TXNRD3: variants seen among roughly 807,000 people sequenced by gnomAD.
The protein encoded by TXNRD3 is TXNRD3 neighbor gene protein.
In TXNRD3, 68 loss-of-function variants were observed where a neutral mutation model predicts 78.2. That is an observed-to-expected ratio of 0.87 (90% CI 0.72 to 1.06). The LOEUF is 1.06. Among genes scored for constraint, TXNRD3 ranks in the 50% least tolerant of loss-of-function variants. The pLI is 0.00. For synonymous variants in TXNRD3, 296 were observed against 300.1 expected, an observed-to-expected ratio of 0.99 and a Z score of 0.14; for missense variants, 751 against 809.5, an observed-to-expected ratio of 0.93 and a Z score of 0.88.
At chr3:126,609,568 G>A (rs147547092) in intron 14 of TXNRD3, among the ~76,000 whole-genome samples, 154 of 152,288 alleles carry the variant, frequency 1.0e-3, no homozygotes, top group Middle Eastern at 3.4e-3. Context: ...CCTAGAGCTG[G>A]AGTCAAGTAT....
intron 5 of TXNRD3, among the ~76,000 whole-genome samples, chr3:126,643,614 G>A (rs1933146714): frequency 6.6e-6 from 1 of 152,004 alleles, no homozygotes; most frequent in Non-Finnish European, 1.5e-5. Flanking sequence ...TGTGGTCATG[G>A]AATTTTTTTT....
chr3:126,637,932 C>CTT (rs71615916), intron 6 of TXNRD3, among the ~76,000 whole-genome samples: 814 of 60,280 alleles, frequency 0.014, 72 homozygotes, highest in African/African-American at 0.024. Flanking sequence ...ATTTCTCTCT[C>CTT]TTTTTTTTTT....
intron 10 of TXNRD3, among the ~76,000 whole-genome samples, chr3:126,628,318 CTG>C (rs537692420): frequency 9.9e-4 from 150 of 151,974 alleles, no homozygotes; most frequent in Non-Finnish European, 1.6e-3. Flanking sequence ...CTTGTCAGGA[CTG>C]TACTGGAGGT....
At position 126,609,012 on chromosome 3, in the gene TXNRD3, G is replaced by C. The variant is rs75151324; in HGVS notation, c.1729-379C>G. ...GCAGCAGGTTTTACTGGAAATAAGAGGTTGCTGGCCCAGGAAGCAAGATGC... is the reference window on the plus strand; with the variant it reads ...GCAGCAGGTTTTACTGGAAATAAGACGTTGCTGGCCCAGGAAGCAAGATGC... On this transcript the variant is annotated intron_variant, in intron 14 of 15. Coordinates refer to ENST00000524230, the MANE Select transcript of TXNRD3 (RefSeq NM_052883.3). 746 of 250,586 alleles carry C rather than the reference G, an allele frequency of 3.0e-3. 4 individuals carry two copies. Among genetic ancestry groups the C allele is most frequent in the African/African-American group, 0.015 (673 of 44,416 alleles). The allele number at this position is 250,586 out of a possible 1,614,324, so 15.5% of individuals were successfully genotyped here.
In TXNRD3 at chr3:126,655,018, G is replaced by A. The variant is rs958368041; in HGVS notation, c.-28C>T. On this transcript the variant is annotated 5_prime_UTR_variant, in exon 1 of 16. Coordinates refer to ENST00000524230, the MANE Select transcript of TXNRD3 (RefSeq NM_052883.3). Reference sequence around the variant, plus strand: ...TCTCGCTCTCGCTCCTGGCCCGGCCGGGCCTGCTCACAAACCGAAACGCAG... The same window carrying A: ...TCTCGCTCTCGCTCCTGGCCCGGCCAGGCCTGCTCACAAACCGAAACGCAG... The A allele has an allele frequency of 1.1e-5, 14 of 1,292,808 alleles. No homozygotes were observed. The highest frequency in any genetic ancestry group is 4.2e-5 in the Admixed American group (1 of 23,662). The allele number at this position is 1,292,808 out of a possible 1,614,324, so 80.1% of individuals were successfully genotyped here. A position where few individuals can be genotyped will look rare whatever the true frequency, so the allele number is the denominator to read the frequency against.
At chr3:126,643,740 T>A (rs990682761) in intron 5 of TXNRD3, among the ~76,000 whole-genome samples, 3 of 152,106 alleles carry the variant, frequency 2.0e-5, no homozygotes, top group Non-Finnish European at 4.4e-5. Flanking sequence ...AAAATTTTTT[T>A]ATTTTTTTGA....
In TXNRD3 at chr3:126,646,125, C is replaced by T. The variant is rs1416079042; in HGVS notation, c.400G>A (p.Asp134Asn). 3 of 1,524,210 alleles carry T rather than the reference C, an allele frequency of 2.0e-6. No individual in the cohort carries two copies. Among genetic ancestry groups the T allele is most frequent in the South Asian group, 2.5e-5 (2 of 80,978 alleles). 94.4% of individuals were successfully genotyped at this position (1,524,210 alleles called of 1,614,324 possible). Residue 134 changes from aspartate to asparagine, a missense_variant, in exon 3 of 16, where the codon GAC (aspartate) becomes AAC (asparagine). Coordinates refer to ENST00000524230, the MANE Select transcript of TXNRD3 (RefSeq NM_052883.3). ...AGTATTATTACCTGGAAAGTTTGGT[C>T]ACATCCACCTACATGCACTTTATTC... is the stretch of plus-strand genomic sequence containing the variant.
At chr3:126,618,168 T>C (rs1279275590) in intron 12 of TXNRD3, among the ~76,000 whole-genome samples, 1 of 152,146 alleles carries the variant, frequency 6.6e-6, no homozygotes, top group East Asian at 1.9e-4. Context: ...ACAGATGCAA[T>C]CCAATCTCTA....
At chr3:126,640,943 GATAACAAAATC>G (rs1343063973) in intron 6 of TXNRD3, among the ~76,000 whole-genome samples, 1 of 151,326 alleles carries the variant, frequency 6.6e-6, no homozygotes, top group Non-Finnish European at 1.5e-5. Context: ...TTCTATGCCT[GATAACAAAATC>G]ATCACAAAGA....
At chr3:126,627,040 A>C (rs992939471) in intron 10 of TXNRD3, among the ~76,000 whole-genome samples, 1 of 152,126 alleles carries the variant, frequency 6.6e-6, no homozygotes, top group Non-Finnish European at 1.5e-5. Flanking sequence ...GTGAGCCTTG[A>C]TCTCACCACT....
chr3:126,620,033 T>C (rs1938412637), intron 12 of TXNRD3, among the ~76,000 whole-genome samples: 1 of 152,248 alleles, frequency 6.6e-6, no homozygotes, highest in Admixed American at 6.5e-5. Flanking sequence ...CGGTGGCTCA[T>C]GCCTGTAATC....
At chr3:126,620,728 ATTC>A (rs1194638607) in intron 12 of TXNRD3, among the ~76,000 whole-genome samples, 5 of 152,188 alleles carry the variant, frequency 3.3e-5, no homozygotes, top group Non-Finnish European at 7.3e-5. Flanking sequence ...GGCCCTACCA[ATTC>A]TTCTTTGTGG....
intron 9 of TXNRD3, 116 bp downstream of exon 9, chr3:126,630,596 T>G: frequency 8.8e-7 from 1 of 1,131,136 alleles, no homozygotes. Flanking sequence ...GACTTGGGAG[T>G]GGAAACACTG....
intron 1 of TXNRD3, among the ~76,000 whole-genome samples, chr3:126,649,235 C>T (rs564844308): frequency 7.2e-5 from 11 of 152,136 alleles, no homozygotes; most frequent in Non-Finnish European, 1.6e-4. Flanking sequence ...ATAATAAGCA[C>T]GTGAAAAGTT....
At chr3:126,630,168 G>A (rs915062642) in intron 9 of TXNRD3, among the ~76,000 whole-genome samples, 4 of 152,234 alleles carry the variant, frequency 2.6e-5, no homozygotes, top group Non-Finnish European at 4.4e-5. Context: ...ATGCTGCCAA[G>A]AGGCCCAGTA....
In TXNRD3 at chr3:126,631,994, T is replaced by G. The variant is rs193232973; in HGVS notation, c.856-115A>C. The G allele has an allele frequency of 1.9e-5, 13 of 669,692 alleles. No homozygotes were observed. The East Asian group carries it at 3.0e-4, about 15-fold the overall frequency. The allele number at this position is 669,692 out of a possible 1,614,324, so 41.5% of individuals were successfully genotyped here. ...TCATTCAACAGCAACAGCAGACATG[T>G]GAAAAAGTAATAATGCAATGTGATA... On this transcript the variant is annotated intron_variant, in intron 7 of 15. Transcript: ENST00000524230.
At chr3:126,653,379 C>T (rs903911903) in intron 1 of TXNRD3, among the ~76,000 whole-genome samples, 3 of 152,042 alleles carry the variant, frequency 2.0e-5, no homozygotes, top group African/African-American at 7.2e-5. Context: ...AAAACCACTG[C>T]ATAGGAAAAT....
At chr3:126,654,716 C>T in intron 1 of TXNRD3, 32 bp downstream of exon 1, 2 of 1,256,690 alleles carry the variant, frequency 1.6e-6, no homozygotes, top group Non-Finnish European at 1.0e-6. Context: ...GGCCCGGTCG[C>T]GCGCGGTGGA....
chr3:126,630,591 G>A, intron 9 of TXNRD3, 121 bp downstream of exon 9: 2 of 1,068,104 alleles, frequency 1.9e-6, no homozygotes. Flanking sequence ...CTGTAGACTT[G>A]GGAGTGGAAA....
Sources: gnomAD v4.1 joint callset for allele counts (sites outside exome capture counted in the v4.1 genomes callset) on GRCh38, gnomAD v4.1.1 for gene constraint, MANE v1.5 for transcripts, NCBI Gene and HGNC (gene_info 2026-07-23, HGNC 2026-07-21) for gene names.